The following ADK variants were observed in gnomAD, a reference collection of about 807,000 sequenced individuals.
ADK encodes N6,N6-dimethyladenosine kinase.
ADK carries 24 observed loss-of-function variants against 44.7 expected under a neutral mutation model. That is an observed-to-expected ratio of 0.54 (90% CI 0.39 to 0.76). ADK has a LOEUF of 0.76. Among genes scored for constraint, ADK ranks in the 30% least tolerant of loss-of-function variants. The pLI, the probability that ADK is intolerant of heterozygous loss-of-function variation, is 0.00. For synonymous variants in ADK, 128 were observed against 142.6 expected (o/e 0.90, Z 0.73); for missense variants, 321 against 425.1 (o/e 0.76, Z 2.15).
At chr10:74,394,062 A>G in intron 4 of ADK, 79 bp from the exon 5 acceptor site, 2 of 1,390,566 alleles carry the variant, frequency 1.4e-6, no homozygotes, top group Non-Finnish European at 2.0e-6. Flanking sequence ...TTCTTGTCAC[A>G]TCACTATCTG....
chr10:74,319,758 T>G (rs956851603), intron 4 of ADK, among the ~76,000 whole-genome samples: 1 of 152,216 alleles, frequency 6.6e-6, no homozygotes, highest in Non-Finnish European at 1.5e-5. Context: ...TTTTAGTTAC[T>G]TTTATTATTT....
chr10:74,398,073 T>A (rs529535256), intron 5 of ADK, among the ~76,000 whole-genome samples: 1 of 152,234 alleles, frequency 6.6e-6, no homozygotes, highest in Non-Finnish European at 1.5e-5. Context: ...AATTATAGTA[T>A]GTTGATATTT....
intron 7 of ADK, among the ~76,000 whole-genome samples, chr10:74,561,498 A>C (rs530078307): frequency 1.3e-5 from 2 of 152,332 alleles, no homozygotes; most frequent in African/African-American, 4.8e-5. Flanking sequence ...TGTAGACTTT[A>C]TCTGTCTTGA....
intron 6 of ADK, among the ~76,000 whole-genome samples, chr10:74,399,739 C>T (rs1338878733): frequency 6.6e-6 from 1 of 151,790 alleles, no homozygotes; most frequent in Admixed American, 6.6e-5. Context: ...TATTTCAAAC[C>T]ATCTTACACT....
At chr10:74,533,438 C>G (rs1161667221) in intron 7 of ADK, among the ~76,000 whole-genome samples, 1 of 152,074 alleles carries the variant, frequency 6.6e-6, no homozygotes, top group African/African-American at 2.4e-5. Flanking sequence ...TAATGATAGA[C>G]AAATAGTCAA....
chr10:74,314,021 ATATAAT>A (rs1840534675), intron 3 of ADK, among the ~76,000 whole-genome samples: 1 of 84,278 alleles, frequency 1.2e-5, no homozygotes, highest in Non-Finnish European at 3.4e-5. Context: ...GCATCTTTTC[ATATAAT>A]TAGATAGGTC....
chr10:74,283,829 C>T (rs565329067), intron 3 of ADK, among the ~76,000 whole-genome samples: 45 of 149,362 alleles, frequency 3.0e-4, no homozygotes, highest in African/African-American at 8.9e-4. Flanking sequence ...TACAGGTGCC[C>T]GCCACCACGC....
chr10:74,692,304 C>A (rs1252161448), intron 10 of ADK, among the ~76,000 whole-genome samples: 2 of 151,912 alleles, frequency 1.3e-5, no homozygotes, highest in Non-Finnish European at 1.5e-5. Flanking sequence ...CATGGTGAAA[C>A]CCTGTCTCTA....
At chr10:74,654,646 T>C (rs760453998) in intron 9 of ADK, among the ~76,000 whole-genome samples, 6 of 152,158 alleles carry the variant, frequency 3.9e-5, no homozygotes, top group Non-Finnish European at 8.8e-5. Flanking sequence ...CCCCCGTCTC[T>C]ACTAAAGATA....
chr10:74,224,749 T>C (rs925132470), intron 3 of ADK, among the ~76,000 whole-genome samples, 158 bp downstream of exon 3: 1 of 152,196 alleles, frequency 6.6e-6, no homozygotes, highest in Admixed American at 6.5e-5. Flanking sequence ...CACTATATAA[T>C]TTACACTACA....
intron 9 of ADK, among the ~76,000 whole-genome samples, chr10:74,643,690 T>G (rs936748103): frequency 2.0e-5 from 3 of 152,222 alleles, no homozygotes; most frequent in Non-Finnish European, 2.9e-5. Context: ...GGTGATATGT[T>G]GTATTTGCAA....
chr10:74,230,840 T>C (rs4746187), intron 3 of ADK, among the ~76,000 whole-genome samples: 31,502 of 151,908 alleles, frequency 0.21, 4,424 homozygotes, highest in African/African-American at 0.4. Context: ...TGCCACCACG[T>C]CTGGCTAATT....
chr10:74,415,995 TATATAC>T (rs1235130225), intron 6 of ADK, among the ~76,000 whole-genome samples: 1 of 149,924 alleles, frequency 6.7e-6, no homozygotes, highest in African/African-American at 2.4e-5. Flanking sequence ...TATAAATATA[TATATAC>T]ATACATTTAT....
chr10:74,686,162 C>T (rs1855781111), intron 10 of ADK, among the ~76,000 whole-genome samples: 1 of 152,036 alleles, frequency 6.6e-6, no homozygotes, highest in African/African-American at 2.4e-5. Context: ...CGAGGTTTCA[C>T]CATGTTAGCC....
chr10:74,617,165 T>A (rs1852797121), intron 9 of ADK, among the ~76,000 whole-genome samples: 1 of 152,202 alleles, frequency 6.6e-6, no homozygotes, highest in African/African-American at 2.4e-5. Context: ...ACAGTACTTT[T>A]TTTCTTACTA....
intron 9 of ADK, chr10:74,661,295 G>A (rs1854716339): frequency 1.0e-6 from 1 of 966,836 alleles, no homozygotes; most frequent in Non-Finnish European, 1.2e-6. Flanking sequence ...CAGGAAAATA[G>A]TAGCAACATT....
intron 6 of ADK, among the ~76,000 whole-genome samples, chr10:74,504,231 T>G (rs1219803251): frequency 6.7e-6 from 1 of 148,822 alleles, no homozygotes; most frequent in Non-Finnish European, 1.5e-5. Flanking sequence ...ACTGTTGTTG[T>G]TTTTTTTTTA....
chr10:74,243,862 T>A (rs1049286694), intron 3 of ADK, among the ~76,000 whole-genome samples: 7 of 152,078 alleles, frequency 4.6e-5, no homozygotes, highest in South Asian at 4.1e-4. Context: ...TCAAAAAAAA[T>A]TTTTTTTAAA....
chr10:74,383,092 A>G (rs1843026671), intron 4 of ADK, among the ~76,000 whole-genome samples: 1 of 152,084 alleles, frequency 6.6e-6, no homozygotes, highest in African/African-American at 2.4e-5. Flanking sequence ...AGTAACAATA[A>G]CAATAGTATT....
Sources: allele counts gnomAD v4.1 joint callset (sites outside exome capture counted in the v4.1 genomes callset), GRCh38; gene constraint gnomAD v4.1.1; transcripts MANE v1.5; gene names NCBI Gene and HGNC (gene_info 2026-07-23, HGNC 2026-07-21).